The following EMC2 variants were observed in gnomAD, a reference collection of about 807,000 sequenced individuals.
The protein encoded by EMC2 is TPR repeat protein 35.
Under a neutral mutation model 51.6 loss-of-function variants are expected in EMC2, and 37 were observed. The observed-to-expected ratio is 0.72, with a 90% CI of 0.55 to 0.94. EMC2 has a LOEUF of 0.94. Ranked by LOEUF, EMC2 falls within the 40% of genes least tolerant of loss-of-function variation. EMC2 has a pLI of 0.00. For missense variants in EMC2, 359 were observed against 350.9 expected (o/e 1.02, Z -0.18); for synonymous variants, 131 against 112.4 (o/e 1.17, Z -1.04).
chr8:108,452,571 A>T (rs1207747221), intron 3 of EMC2, among the ~76,000 whole-genome samples: 1 of 152,212 alleles, frequency 6.6e-6, no homozygotes, highest in African/African-American at 2.4e-5. Flanking sequence ...CATCTCAAAA[A>T]AAAATAAGAA....
At chr8:108,479,988 C>T (rs770671061) in intron 10 of EMC2, among the ~76,000 whole-genome samples, 30 of 152,042 alleles carry the variant, frequency 2.0e-4, no homozygotes, top group Non-Finnish European at 3.5e-4. Context: ...TGTCTGGTTA[C>T]GCAAAGGAAT....
chr8:108,470,152 A>G, intron 7 of EMC2, 31 bp downstream of exon 7: 1 of 1,503,340 alleles, frequency 6.7e-7, no homozygotes, highest in Non-Finnish European at 9.2e-7. Context: ...CATTTTGTTG[A>G]GTGCAGTTTT....
intron 5 of EMC2, among the ~76,000 whole-genome samples, chr8:108,466,668 G>A (rs991727742): frequency 1.3e-5 from 2 of 151,988 alleles, no homozygotes; most frequent in East Asian, 3.9e-4. Flanking sequence ...TGTCCAGGTT[G>A]TTCTGAAACT....
At chr8:108,467,505 C>T (rs563573958) in intron 5 of EMC2, among the ~76,000 whole-genome samples, 62 of 108,460 alleles carry the variant, frequency 5.7e-4, no homozygotes, top group African/African-American at 1.8e-3. Context: ...CACACCACCA[C>T]GCTCAGCTAA....
intron 10 of EMC2, among the ~76,000 whole-genome samples, chr8:108,479,669 CTTAT>C (rs1354240327): frequency 6.6e-6 from 1 of 151,992 alleles, no homozygotes; most frequent in Non-Finnish European, 1.5e-5. Context: ...TGTCTTTAGC[CTTAT>C]TTGTCTATAG....
chr8:108,486,739 A>G lies in EMC2; in HGVS notation c.*141A>G, dbSNP rs1811149067. Reference sequence around the variant, plus strand: ...GAAGGCAGTTGTAAAGAATGTGTTTATATAAACCTAAAAATGCCTTTTACT... The same window carrying G: ...GAAGGCAGTTGTAAAGAATGTGTTTGTATAAACCTAAAAATGCCTTTTACT... On this transcript the variant is annotated 3_prime_UTR_variant, in exon 11 of 11. Coordinates refer to ENST00000220853, the MANE Select transcript of EMC2 (RefSeq NM_014673.5). 3.5e-6 allele frequency: 3 copies of G among 861,480 alleles called. No homozygotes were observed. The highest frequency in any genetic ancestry group is 4.9e-6 in the Non-Finnish European group (3 of 607,062). 53.4% of individuals were successfully genotyped at this position (861,480 alleles called of 1,614,324 possible). A position where few individuals can be genotyped will look rare whatever the true frequency, so the allele number is the denominator to read the frequency against.
chr8:108,462,009 A>G (rs1017846009), intron 5 of EMC2, among the ~76,000 whole-genome samples: 2 of 152,190 alleles, frequency 1.3e-5, no homozygotes, highest in South Asian at 2.1e-4. Context: ...GGGTTTCACC[A>G]TGTTGGCCAG....
rs774704209 is a variant in EMC2, at chr8:108,489,121, C to G, written c.*2523C>G. On this transcript the variant is annotated 3_prime_UTR_variant, in exon 11 of 11. Coordinates refer to ENST00000220853, the MANE Select transcript of EMC2 (RefSeq NM_014673.5). ...TCCCTGATATGGCATTGTTGAACAC[C>G]CAAATCAAGATGAGCAATTGCCAAA... Among the ~76,000 whole-genome samples, 20 of 151,908 alleles carry G rather than the reference C, an allele frequency of 1.3e-4. No homozygotes were observed. Among genetic ancestry groups the G allele is most frequent in the Non-Finnish European group, 1.5e-5 (1 of 67,976 alleles).
At chr8:108,448,646 C>T (rs564103112) in intron 1 of EMC2, among the ~76,000 whole-genome samples, 1 of 152,228 alleles carries the variant, frequency 6.6e-6, no homozygotes, top group Non-Finnish European at 1.5e-5. Context: ...CGTGGAACTG[C>T]AAGTCCAGTT....
chr8:108,466,441 AATT>A (rs1264545854), intron 5 of EMC2, among the ~76,000 whole-genome samples: 1 of 130,810 alleles, frequency 7.6e-6, no homozygotes, highest in Non-Finnish European at 1.5e-5. Context: ...GCTATGATAG[AATT>A]TTTTTTTTTT....
chr8:108,469,009 C>A (rs1329029654), intron 5 of EMC2, among the ~76,000 whole-genome samples: 2 of 152,112 alleles, frequency 1.3e-5, no homozygotes, highest in Non-Finnish European at 1.5e-5. Context: ...TGCTTTCTGT[C>A]TTTCCAGTTC....
chr8:108,485,538 T>TA (rs1811122510), intron 10 of EMC2, among the ~76,000 whole-genome samples: 3 of 73,306 alleles, frequency 4.1e-5, no homozygotes, highest in Non-Finnish European at 7.3e-5. Flanking sequence ...ATATAATATA[T>TA]ATATGTATAT....
At chr8:108,444,174 C>T (rs1248669115) in intron 1 of EMC2, among the ~76,000 whole-genome samples, 1 of 152,222 alleles carries the variant, frequency 6.6e-6, no homozygotes, top group Non-Finnish European at 1.5e-5. Flanking sequence ...TTCTCATATG[C>T]CACTCTACAT....
At chr8:108,445,819 G>A (rs1188458546) in intron 1 of EMC2, among the ~76,000 whole-genome samples, 1 of 152,190 alleles carries the variant, frequency 6.6e-6, no homozygotes, top group African/African-American at 2.4e-5. Flanking sequence ...ATGACTAAAT[G>A]AATTGTTAAT....
At chr8:108,463,870 G>A (rs1819396594) in intron 5 of EMC2, among the ~76,000 whole-genome samples, 1 of 151,994 alleles carries the variant, frequency 6.6e-6, no homozygotes, top group Admixed American at 6.5e-5. Context: ...CTGGTAAATG[G>A]TAACATGCCT....
At chr8:108,451,522 C>T (rs1365724689) in intron 3 of EMC2, among the ~76,000 whole-genome samples, 1 of 152,058 alleles carries the variant, frequency 6.6e-6, no homozygotes, top group East Asian at 1.9e-4. Flanking sequence ...GAAAAAAATT[C>T]ACATCTGAAT....
At chr8:108,451,225 A>G (rs1554616795) in intron 3 of EMC2, among the ~76,000 whole-genome samples, 1 of 120,280 alleles carries the variant, frequency 8.3e-6, no homozygotes, top group Non-Finnish European at 1.6e-5. Context: ...GAAAAAAATC[A>G]AACAAACCTA....
chr8:108,483,392 T>G (rs1313334796), intron 10 of EMC2, among the ~76,000 whole-genome samples: 1 of 152,132 alleles, frequency 6.6e-6, no homozygotes, highest in Non-Finnish European at 1.5e-5. Context: ...GCAGTCAACC[T>G]CATCCCCCAC....
chr8:108,461,363 C>CA (rs1819314857), intron 5 of EMC2, among the ~76,000 whole-genome samples: 1 of 152,200 alleles, frequency 6.6e-6, no homozygotes, highest in African/African-American at 2.4e-5. Context: ...TGAGAACAAA[C>CA]ACAAGGATGA....
Sources: gnomAD v4.1 joint callset for allele counts (sites outside exome capture counted in the v4.1 genomes callset) on GRCh38, gnomAD v4.1.1 for gene constraint, MANE v1.5 for transcripts, NCBI Gene and HGNC (gene_info 2026-07-23, HGNC 2026-07-21) for gene names.